POLI: variants seen among roughly 807,000 people sequenced by gnomAD.
POLI encodes the protein DNA polymerase iota.
Under a neutral mutation model 51.6 loss-of-function variants are expected in POLI, and 58 were observed. The ratio of observed to expected loss-of-function variants is 1.12; its 90% confidence interval spans 0.91 to 1.40. The LOEUF is 1.40. Ranked by LOEUF, POLI falls within the 40% of genes most tolerant of loss-of-function variation. POLI has a pLI of 0.00. For synonymous variants in POLI, 322 were observed against 299.7 expected (o/e 1.07, Z -0.77); for missense variants, 921 against 871.3 (o/e 1.06, Z -0.72).
chr18:54,308,297 C>A (rs1237961273), intron 3 of POLI, among the ~76,000 whole-genome samples: 2 of 152,166 alleles, frequency 1.3e-5, no homozygotes, highest in Non-Finnish European at 2.9e-5. Flanking sequence ...CATCTCTCAG[C>A]ATTTGCTTGT....
intron 6 of POLI, among the ~76,000 whole-genome samples, chr18:54,283,576 G>T (rs2087612658): frequency 6.6e-6 from 1 of 151,976 alleles, no homozygotes; most frequent in African/African-American, 2.4e-5. Flanking sequence ...CTTGTCCAAG[G>T]ATAAACTTAG....
rs115884694 is a variant in POLI at position 54,312,906 on chromosome 18, G to A, written c.334-7367G>A. Among the ~76,000 whole-genome samples the A allele has an allele frequency of 2.8e-3, 432 of 152,234 alleles. 4 individuals carry two copies. The highest frequency in any genetic ancestry group is 9.8e-3 in the African/African-American group (407 of 41,542). ...TTTTCTCCCATTCTGTAGCTTGTCT[G>A]TTTACACCTTTGATAGTTTCTCTTG... On this transcript the variant is annotated intron_variant, in intron 3 of 4. Coordinates refer to the POLI transcript ENST00000579823.
chr18:54,306,356 T>C (rs2088585551), intron 3 of POLI, among the ~76,000 whole-genome samples: 1 of 152,232 alleles, frequency 6.6e-6, no homozygotes, highest in African/African-American at 2.4e-5. Context: ...TCATTGGTTC[T>C]GTTTATGTGA....
At chr18:54,272,299 C>G (rs2087038340) in intron 2 of POLI, 1 of 152,196 alleles carries the variant, frequency 6.6e-6, no homozygotes, top group Middle Eastern at 3.4e-3. Flanking sequence ...AATCAGGGGA[C>G]CTAAGTTTTT....
At chr18:54,315,363 T>G (rs1051025670) in intron 3 of POLI, among the ~76,000 whole-genome samples, 2 of 152,128 alleles carry the variant, frequency 1.3e-5, no homozygotes, top group African/African-American at 4.8e-5. Context: ...TTCTTGAGAC[T>G]TGCTTTATGT....
At chr18:54,307,413 C>A (rs958500751) in intron 3 of POLI, among the ~76,000 whole-genome samples, 7 of 152,166 alleles carry the variant, frequency 4.6e-5, no homozygotes, top group Non-Finnish European at 7.3e-5. Flanking sequence ...TTTCTTAATC[C>A]TGAGTTCTAA....
chr18:54,297,740 A>G lies in POLI; in HGVS notation c.*3273A>G, dbSNP rs974988151. The G allele has an allele frequency of 4.1e-6, 4 of 970,840 alleles. No individual in the cohort carries two copies. Among genetic ancestry groups the G allele is most frequent in the East Asian group, 1.1e-4 (1 of 8,766 alleles). The allele number at this position is 970,840 out of a possible 1,614,324, so 60.1% of individuals were successfully genotyped here. A position where few individuals can be genotyped will look rare whatever the true frequency, so the allele number is the denominator to read the frequency against. On this transcript the variant is annotated 3_prime_UTR_variant, in exon 10 of 10. Transcript: ENST00000579534. ...ATCTAAAAATGCTACCCTCTTTCCA[A>G]ACAACACAAAGGTATTGAAATAACA...
chr18:54,270,093 TCCGC>T, intron 1 of POLI: 1 of 954,448 alleles, frequency 1.0e-6, no homozygotes, highest in Non-Finnish European at 1.2e-6. Context: ...CGGAGTCAGG[TCCGC>T]TGTGGTCACG....
In POLI at chr18:54,296,172, C is replaced by T. The variant is rs2088315980; in HGVS notation, c.*1705C>T. On this transcript the variant is annotated 3_prime_UTR_variant, in exon 10 of 10. Coordinates refer to ENST00000579534, the MANE Select transcript of POLI (RefSeq NM_007195.3). ...TATAACTTTTTGTAAATCATTAAAACATTTTATAGTCCTTGTAATGATTTC... is the reference window on the plus strand; with the variant it reads ...TATAACTTTTTGTAAATCATTAAAATATTTTATAGTCCTTGTAATGATTTC... 2.3e-5 allele frequency: 23 copies of T among 984,158 alleles called. No homozygotes were observed. The highest frequency in any genetic ancestry group is 4.7e-5 in the South Asian group (1 of 21,262). The allele number at this position is 984,158 out of a possible 1,614,324, so 61.0% of individuals were successfully genotyped here. A position where few individuals can be genotyped will look rare whatever the true frequency, so the allele number is the denominator to read the frequency against.
At chr18:54,272,153 C>T (rs781217852) in intron 2 of POLI, 3 of 152,190 alleles carry the variant, frequency 2.0e-5, no homozygotes, top group Non-Finnish European at 4.4e-5. Flanking sequence ...TGCTGCTACC[C>T]TCTTGTGCCC....
In POLI at chr18:54,280,762, A is replaced by T; in HGVS notation, c.655A>T (p.Thr219Ser). ...REAMYNQLGL[T>S]GCAGVASNKL... ...AGCCATGTATAATCAGTTGGGGCTC[A>T]CTGGCTGTGCTGGAGTGGCTTCTAA... Residue 219 changes from threonine (T) to serine (S), a missense_variant, in exon 5 of 10, where the codon ACT (threonine) becomes TCT (serine). By Grantham distance (58) the Thr-to-Ser change is moderately conservative. Coordinates refer to ENST00000579534, the MANE Select transcript of POLI (RefSeq NM_007195.3). 6.2e-7 allele frequency: 1 copy of T among 1,613,818 alleles called. No individual in the cohort carries two copies. Among genetic ancestry groups the T allele is most frequent in the East Asian group, 2.2e-5 (1 of 44,888 alleles).
Position 54,307,422 on chromosome 18 carries a change from A to G in POLI, c.334-12851A>G, listed in dbSNP as rs373699552. 2.4e-4 allele frequency among the ~76,000 whole-genome samples: 37 copies of G among 152,146 alleles called. No individual in the cohort carries two copies. In the East Asian group the frequency reaches 6.8e-3, roughly 28 times the overall value. ...AGTGAGTTTCTTAATCCTGAGTTCT[A>G]ATTTGATTGCACTGTGGTCTGAGAG... On this transcript the variant is annotated intron_variant, in intron 3 of 4. Transcript: ENST00000579823.
chr18:54,293,878 C>T lies in POLI; in HGVS notation c.1634C>T (p.Ser545Phe), dbSNP rs2088150941. 1 of 1,612,800 alleles carries T rather than the reference C, an allele frequency of 6.2e-7. No homozygotes were observed. Among genetic ancestry groups the T allele is most frequent in the Non-Finnish European group, 8.5e-7 (1 of 1,179,256 alleles). ...LPVDIQEEIL[S>F]GKSREKFQGK... ...GTAGATATTCAAGAAGAAATCCTTT[C>T]TGGAAAATCTAGGGAAAAATTTCAA... The change falls in exon 10 of 10, where the codon TCT becomes TTT. Residue 545 changes from serine to phenylalanine, a missense_variant. Ser to Phe is a radical substitution (Grantham distance 155). Coordinates refer to ENST00000579534, the MANE Select transcript of POLI (RefSeq NM_007195.3).
At position 54,297,816 on chromosome 18, in the gene POLI, A is replaced by G. The variant is rs2088407452; in HGVS notation, c.*3349A>G. On this transcript the variant is annotated 3_prime_UTR_variant, in exon 10 of 10. Coordinates refer to ENST00000579534, the MANE Select transcript of POLI (RefSeq NM_007195.3). ...TCTTTATTAAATCTCCAAATTGGATATTATTAGTATTTTATATAGTCAATG... is the reference window on the plus strand; with the variant it reads ...TCTTTATTAAATCTCCAAATTGGATGTTATTAGTATTTTATATAGTCAATG... 2 of 960,530 alleles carry G rather than the reference A, an allele frequency of 2.1e-6. No individual in the cohort carries two copies. The highest frequency in any genetic ancestry group is 1.8e-5 in the African/African-American group (1 of 56,848). 59.5% of individuals were successfully genotyped at this position (960,530 alleles called of 1,614,324 possible). A position where few individuals can be genotyped will look rare whatever the true frequency, so the allele number is the denominator to read the frequency against.
At chr18:54,282,703 C>T (rs538562992) in intron 5 of POLI, 134 bp from the exon 6 acceptor site, 1 of 567,368 alleles carries the variant, frequency 1.8e-6, no homozygotes, top group South Asian at 2.8e-5. Flanking sequence ...AGAATGTATC[C>T]CCTGTGGATA....
At chr18:54,272,325 T>C (rs549713595) in intron 2 of POLI, 38 of 152,322 alleles carry the variant, frequency 2.5e-4, no homozygotes, top group African/African-American at 9.1e-4. Context: ...TGAAGGCATT[T>C]CTGAGTAGTA....
downstream of POLI, among the ~76,000 whole-genome samples, chr18:54,301,559 T>G (rs754814729): frequency 3.3e-5 from 5 of 152,222 alleles, no homozygotes; most frequent in Non-Finnish European, 7.3e-5. Context: ...TCCTTCTGCT[T>G]CTTTCAGGTG....
chr18:54,275,043 A>G (rs1012251872), intron 3 of POLI: 7 of 152,244 alleles, frequency 4.6e-5, no homozygotes, highest in African/African-American at 1.7e-4. Context: ...GATATTTTAT[A>G]TCTGTCATAC....
chr18:54,287,751 T>G (rs1453764820), intron 8 of POLI: 3 of 163,154 alleles, frequency 1.8e-5, no homozygotes, highest in Non-Finnish European at 4.0e-5. Flanking sequence ...GGCTAACTTT[T>G]TTGATATTTA....
Sources: gnomAD v4.1 joint callset for allele counts (sites outside exome capture counted in the v4.1 genomes callset) on GRCh38, gnomAD v4.1.1 for gene constraint, MANE v1.5 for transcripts, NCBI Gene and HGNC (gene_info 2026-07-23, HGNC 2026-07-21) for gene names.